ARHGAP18: variants seen among roughly 807,000 people sequenced by gnomAD.
ARHGAP18 encodes the protein Rho GTPase activating protein 18, also known as rho GTPase-activating protein 18.
ARHGAP18 carries 67 observed loss-of-function variants against 86.2 expected under a neutral mutation model. That is an observed-to-expected ratio of 0.78 (90% CI 0.64 to 0.95). The LOEUF is 0.95. ARHGAP18 is among the 40% of genes least tolerant of loss of function. The probability of loss-of-function intolerance (pLI) is 0.00; values close to 1 mark genes in which losing one functional copy is unlikely to be tolerated. For synonymous variants in ARHGAP18, 283 were observed against 280.4 expected (o/e 1.01, Z -0.09); for missense variants, 691 against 780.4 (o/e 0.89, Z 1.37).
chr6:129,700,263 A>G (rs569510310), intron 1 of ARHGAP18, among the ~76,000 whole-genome samples: 46 of 152,306 alleles, frequency 3.0e-4, no homozygotes, highest in Middle Eastern at 6.8e-3. Context: ...CCTAAAGTCA[A>G]TTTGCTCTTT....
At chr6:129,603,848 G>A (rs2099453316) in intron 10 of ARHGAP18, among the ~76,000 whole-genome samples, 1 of 152,100 alleles carries the variant, frequency 6.6e-6, no homozygotes, top group Non-Finnish European at 1.5e-5. Flanking sequence ...ACCAAGATGT[G>A]GTATTTAACA....
At chr6:129,623,188 T>G (rs1584056682) in intron 5 of ARHGAP18, among the ~76,000 whole-genome samples, 1 of 151,964 alleles carries the variant, frequency 6.6e-6, no homozygotes, top group South Asian at 2.1e-4. Flanking sequence ...TAAACTTGAC[T>G]TTTTTACTCA....
intron 7 of ARHGAP18, 36 bp downstream of exon 7, chr6:129,616,176 T>C: frequency 6.8e-7 from 1 of 1,480,140 alleles, no homozygotes. Context: ...AGCTTAAGTA[T>C]GTTCTCTCTA....
At chr6:129,682,966 C>G (rs183144483) in intron 1 of ARHGAP18, among the ~76,000 whole-genome samples, 16 of 150,046 alleles carry the variant, frequency 1.1e-4, no homozygotes, top group African/African-American at 3.2e-4. Context: ...CTTTCTCGTT[C>G]TGTTTCTCCT....
chr6:129,668,046 G>T (rs1774073851), intron 1 of ARHGAP18, among the ~76,000 whole-genome samples: 1 of 152,108 alleles, frequency 6.6e-6, no homozygotes. Context: ...ATGCCCCTTG[G>T]ATATGCAAGT....
At chr6:129,652,461 G>A (rs1285100502) in intron 1 of ARHGAP18, among the ~76,000 whole-genome samples, 1 of 152,172 alleles carries the variant, frequency 6.6e-6, no homozygotes, top group Non-Finnish European at 1.5e-5. Context: ...GACATTTTCA[G>A]GGATGAAATG....
intron 13 of ARHGAP18, among the ~76,000 whole-genome samples, chr6:129,583,128 G>T (rs1297132381): frequency 6.6e-6 from 1 of 152,186 alleles, no homozygotes; most frequent in African/African-American, 2.4e-5. Flanking sequence ...TTAGAATGAG[G>T]AGATTAAATT....
At chr6:129,599,438 A>C in intron 11 of ARHGAP18, 82 bp from the exon 12 acceptor site, 4 of 1,212,720 alleles carry the variant, frequency 3.3e-6, no homozygotes, top group Non-Finnish European at 4.3e-6. Flanking sequence ...TATTTTTTTA[A>C]ATTTCAAAAA....
At chr6:129,630,809 A>G (rs1385044756) in intron 4 of ARHGAP18, among the ~76,000 whole-genome samples, 1 of 152,176 alleles carries the variant, frequency 6.6e-6, no homozygotes, top group Non-Finnish European at 1.5e-5. Flanking sequence ...TGAAATGTAA[A>G]TAAGAGGCCC....
intron 1 of ARHGAP18, among the ~76,000 whole-genome samples, chr6:129,642,947 G>A (rs577368213): frequency 1.3e-5 from 2 of 152,000 alleles, no homozygotes; most frequent in Admixed American, 6.5e-5. Context: ...TGAATAGCTT[G>A]GAATTACCTC....
Position 129,612,248 on chromosome 6 carries a change from T to C in ARHGAP18, c.1045-638A>G, listed in dbSNP as rs73776322. ...AGGCAAATGGAGAAATTACAATGAC[T>C]ACTGGAGGCTAAGAAGACAATAAGA... is the stretch of plus-strand genomic sequence containing the variant. On this transcript the variant is annotated intron_variant, in intron 7 of 14. Transcript: ENST00000368149. 6.6e-3 allele frequency among the ~76,000 whole-genome samples: 1,010 copies of C among 152,274 alleles called. 9 individuals are homozygous for C. Among genetic ancestry groups the C allele is most frequent in the African/African-American group, 0.024 (983 of 41,546 alleles).
intron 5 of ARHGAP18, among the ~76,000 whole-genome samples, chr6:129,619,164 C>A (rs1427895147): frequency 6.2e-5 from 8 of 128,288 alleles, no homozygotes; most frequent in Non-Finnish European, 1.3e-4. Flanking sequence ...AGTTAAGTGA[C>A]CTTCAGAAAA....
At chr6:129,663,895 T>C (rs1405191812) in intron 1 of ARHGAP18, among the ~76,000 whole-genome samples, 1 of 152,280 alleles carries the variant, frequency 6.6e-6, no homozygotes, top group African/African-American at 2.4e-5. Context: ...CAGGGTGACC[T>C]GGCAGCCAGA....
At chr6:129,651,379 C>G (rs1441978858) in intron 1 of ARHGAP18, among the ~76,000 whole-genome samples, 4 of 152,100 alleles carry the variant, frequency 2.6e-5, no homozygotes, top group Non-Finnish European at 5.9e-5. Flanking sequence ...AGTTTCGGCT[C>G]AGAGTTTTTT....
chr6:129,655,331 AAAAAAAAAAAG>A (rs1387160503), intron 1 of ARHGAP18, among the ~76,000 whole-genome samples: 50 of 140,318 alleles, frequency 3.6e-4, no homozygotes, highest in Admixed American at 7.0e-4. Context: ...AAAAAAAAAA[AAAAAAAAAAAG>A]AAAAGAAAAG....
intron 5 of ARHGAP18, 47 bp downstream of exon 5, chr6:129,629,306 T>A (rs777939506): frequency 6.6e-7 from 1 of 1,508,650 alleles, no homozygotes; most frequent in Non-Finnish European, 9.1e-7. Flanking sequence ...TGTGTATATA[T>A]ATGTATATGT....
chr6:129,626,570 A>G (rs1320817932), intron 5 of ARHGAP18, among the ~76,000 whole-genome samples: 4 of 151,996 alleles, frequency 2.6e-5, no homozygotes, highest in South Asian at 2.1e-4. Context: ...TATGCAGCTG[A>G]TGGCTTAACG....
chr6:129,618,813 T>A lies in ARHGAP18; in HGVS notation c.826A>T (p.Ile276Phe), dbSNP rs543678244. 24 of 1,613,074 alleles carry A rather than the reference T, an allele frequency of 1.5e-5. No individual in the cohort carries two copies. The South Asian group carries it at 2.6e-4, about 18-fold the overall frequency. Residue 276 changes from isoleucine (I) to phenylalanine (F), a missense_variant, in exon 6 of 15, where the codon ATT (isoleucine) becomes TTT (phenylalanine). Transcript: ENST00000368149. ...ATGTCCTGGGGTGCGAGGTCACCAATCCTTGTGGTACCCGTTTTGTCTTTT... is the reference window on the plus strand; with the variant it reads ...ATGTCCTGGGGTGCGAGGTCACCAAACCTTGTGGTACCCGTTTTGTCTTTT... The part of the protein sequence containing the change: ...LPKDKTGTTR[I>F]GDLAPQDMKK...
chr6:129,650,734 T>C (rs1773692778), intron 1 of ARHGAP18, among the ~76,000 whole-genome samples: 1 of 152,232 alleles, frequency 6.6e-6, no homozygotes, highest in Admixed American at 6.5e-5. Flanking sequence ...CCTGATGTTC[T>C]TTCTCCAGGA....
Sources: allele counts gnomAD v4.1 joint callset (sites outside exome capture counted in the v4.1 genomes callset), GRCh38; gene constraint gnomAD v4.1.1; transcripts MANE v1.5; gene names NCBI Gene and HGNC (gene_info 2026-07-23, HGNC 2026-07-21).